Variants in SYNPR observed in about 807,000 individuals in gnomAD.
The protein encoded by SYNPR is synaptoporin.
Under a neutral mutation model 32.9 loss-of-function variants are expected in SYNPR, and 23 were observed. That is an observed-to-expected ratio of 0.70 (90% CI 0.50 to 0.99). The LOEUF (loss-of-function observed/expected upper bound fraction) is 0.99, where lower values mean the gene tolerates loss of function less well. Ranked by LOEUF, SYNPR falls within the 50% of genes least tolerant of loss-of-function variation. The probability of loss-of-function intolerance (pLI) is 0.00; values close to 1 mark genes in which losing one functional copy is unlikely to be tolerated. For missense variants in SYNPR, 318 were observed against 349.3 expected, an observed-to-expected ratio of 0.91 and a Z score of 0.71; for synonymous variants, 146 against 135.9, an observed-to-expected ratio of 1.07 and a Z score of -0.52.
intron 3 of SYNPR, among the ~76,000 whole-genome samples, chr3:63,270,416 T>C (rs529639816): frequency 6.6e-6 from 1 of 152,238 alleles, no homozygotes; most frequent in East Asian, 1.9e-4. Flanking sequence ...TCATCCGTAG[T>C]AAGATTAAAA....
chr3:63,490,618 C>T (rs1158238712), intron 3 of SYNPR, among the ~76,000 whole-genome samples: 1 of 152,020 alleles, frequency 6.6e-6, no homozygotes, highest in Non-Finnish European at 1.5e-5. Flanking sequence ...ATAGTCCAGT[C>T]CTGTTCATTA....
At chr3:63,541,969 T>C (rs1575701584) in intron 3 of SYNPR, among the ~76,000 whole-genome samples, 1 of 152,076 alleles carries the variant, frequency 6.6e-6, no homozygotes, top group African/African-American at 2.4e-5. Flanking sequence ...AACTTTGAGG[T>C]GCCAGTGGGT....
At chr3:63,538,650 T>C (rs953314759) in intron 3 of SYNPR, among the ~76,000 whole-genome samples, 3 of 152,058 alleles carry the variant, frequency 2.0e-5, no homozygotes, top group Admixed American at 1.3e-4. Context: ...TGCCATCCTG[T>C]GCCCCCACCA....
In SYNPR at chr3:63,344,662, T is replaced by C. The variant is rs147507232; in HGVS notation, c.84+65920T>C. Among the ~76,000 whole-genome samples the C allele has an allele frequency of 2.0e-3, 302 of 152,080 alleles. 1 individual carries two copies. Among genetic ancestry groups the C allele is most frequent in the African/African-American group, 6.7e-3 (278 of 41,468 alleles). ...TGTGTAACTGCCTGGTGGGTTGTTT[T>C]TGCCCACTGCACAGATAGAGTCGAT... is the stretch of plus-strand genomic sequence containing the variant. On this transcript the variant is annotated intron_variant, in intron 2 of 5. Transcript: ENST00000478300.
At chr3:63,529,839 A>G (rs536052667) in intron 3 of SYNPR, among the ~76,000 whole-genome samples, 52 of 152,262 alleles carry the variant, frequency 3.4e-4, no homozygotes, top group African/African-American at 1.3e-3. Flanking sequence ...GAAGCTCCCA[A>G]TTTAGGTACC....
chr3:63,257,940 A>G (rs879875457), intron 2 of SYNPR, among the ~76,000 whole-genome samples: 94 of 152,192 alleles, frequency 6.2e-4, no homozygotes, highest in Non-Finnish European at 6.9e-4. Context: ...TAAAAAACAT[A>G]CTTTAAACCA....
intron 2 of SYNPR, among the ~76,000 whole-genome samples, chr3:63,389,126 C>G (rs1260861169): frequency 6.6e-6 from 1 of 152,158 alleles, no homozygotes; most frequent in Non-Finnish European, 1.5e-5. Context: ...AATGAGCCTG[C>G]TCTTGTGCGT....
At chr3:63,408,829 A>G (rs1024916612) in intron 2 of SYNPR, among the ~76,000 whole-genome samples, 1 of 152,124 alleles carries the variant, frequency 6.6e-6, no homozygotes, top group East Asian at 1.9e-4. Flanking sequence ...ATATCAAGAA[A>G]TAATGCTCTA....
upstream of SYNPR, among the ~76,000 whole-genome samples, chr3:63,227,183 C>T (rs1281014783): frequency 6.6e-6 from 1 of 152,184 alleles, no homozygotes; most frequent in Non-Finnish European, 1.5e-5. Flanking sequence ...GCACATATAT[C>T]CCACAGTCTG....
In SYNPR at chr3:63,458,678, C is replaced by G. The variant is rs543251573; in HGVS notation, c.85-22154C>G. Reference sequence around the variant, plus strand: ...TGAGGAAATAGATTCCACTTCTTGGCAGGAGTTGCTCCAAAGTATTACAAT... The same window carrying G: ...TGAGGAAATAGATTCCACTTCTTGGGAGGAGTTGCTCCAAAGTATTACAAT... On this transcript the variant is annotated intron_variant, in intron 2 of 5. Transcript: ENST00000478300. Among the ~76,000 whole-genome samples, 10 of 152,196 alleles carry G rather than the reference C, an allele frequency of 6.6e-5. No individual in the cohort carries two copies. In the East Asian group the frequency reaches 1.7e-3, roughly 26 times the overall value.
At chr3:63,456,978 C>T (rs969100151) in intron 2 of SYNPR, among the ~76,000 whole-genome samples, 1 of 152,118 alleles carries the variant, frequency 6.6e-6, no homozygotes, top group Admixed American at 6.6e-5. Context: ...AAGCTCTCCT[C>T]TTTGCAGCGG....
Position 63,498,832 on chromosome 3 carries a change from G to A in SYNPR, c.209+17876G>A, listed in dbSNP as rs543228055. 4.6e-5 allele frequency among the ~76,000 whole-genome samples: 7 copies of A among 151,802 alleles called. No individual in the cohort carries two copies. The South Asian group carries it at 1.5e-3, about 32-fold the overall frequency. ...TCTTTTACTTACAACTACAGAAGTAGGCCAGCCATGGTGGCTCACACCTGT... is the reference window on the plus strand; with the variant it reads ...TCTTTTACTTACAACTACAGAAGTAAGCCAGCCATGGTGGCTCACACCTGT... On this transcript the variant is annotated intron_variant, in intron 3 of 5. Coordinates refer to ENST00000478300, the MANE Select transcript of SYNPR (RefSeq NM_001130003.2).
At chr3:63,574,772 T>G (rs1364328035) in intron 4 of SYNPR, among the ~76,000 whole-genome samples, 1 of 152,116 alleles carries the variant, frequency 6.6e-6, no homozygotes, top group Non-Finnish European at 1.5e-5. Flanking sequence ...AATGAATTAA[T>G]GAAGGTGGTG....
chr3:63,553,743 C>T (rs542259747), intron 3 of SYNPR, among the ~76,000 whole-genome samples: 24 of 152,120 alleles, frequency 1.6e-4, no homozygotes, highest in Non-Finnish European at 2.8e-4. Context: ...TTTTTTGAGA[C>T]GGAGTTTCGC....
chr3:63,543,704 G>T (rs1702347276), intron 3 of SYNPR, among the ~76,000 whole-genome samples: 1 of 151,954 alleles, frequency 6.6e-6, no homozygotes, highest in Admixed American at 6.6e-5. Context: ...CATTGAAAAA[G>T]TGTCCAAATT....
intron 2 of SYNPR, among the ~76,000 whole-genome samples, chr3:63,407,194 A>T (rs781417629): frequency 6.6e-6 from 1 of 152,228 alleles, no homozygotes; most frequent in Non-Finnish European, 1.5e-5. Flanking sequence ...AGTTTAGGAC[A>T]GCAGTAATAA....
chr3:63,564,170 G>A (rs1249428460), intron 4 of SYNPR, among the ~76,000 whole-genome samples: 1 of 150,716 alleles, frequency 6.6e-6, no homozygotes, highest in African/African-American at 2.4e-5. Flanking sequence ...GATTTGTGGG[G>A]TGGGTGGGGT....
the SYNPR span, among the ~76,000 whole-genome samples, chr3:63,205,131 G>C: frequency 6.6e-6 from 1 of 152,064 alleles, no homozygotes; most frequent in African/African-American, 2.4e-5. Flanking sequence ...TGCCAGACTT[G>C]TAATTTTATA....
chr3:63,530,371 A>T (rs1285908415), intron 3 of SYNPR, among the ~76,000 whole-genome samples: 2 of 151,906 alleles, frequency 1.3e-5, no homozygotes, highest in African/African-American at 2.4e-5. Context: ...TTGACTAGGG[A>T]GTTGTGTTCA....
Sources: gnomAD v4.1 joint callset for allele counts (sites outside exome capture counted in the v4.1 genomes callset) on GRCh38, gnomAD v4.1.1 for gene constraint, MANE v1.5 for transcripts, NCBI Gene and HGNC (gene_info 2026-07-23, HGNC 2026-07-21) for gene names.